The following COL26A1 variants were observed in gnomAD, a reference collection of about 807,000 sequenced individuals.
COL26A1 encodes the protein collagen alpha-1(XXVI) chain.
Under a neutral mutation model 59.3 loss-of-function variants are expected in COL26A1, and 41 were observed. The observed-to-expected ratio is 0.69, with a 90% CI of 0.54 to 0.90. The LOEUF is 0.90. COL26A1 is among the 40% of genes least tolerant of loss of function. COL26A1 has a pLI of 0.00. For synonymous variants in COL26A1, 266 were observed against 256.0 expected (o/e 1.04, Z -0.37); for missense variants, 612 against 602.3 (o/e 1.02, Z -0.17).
intron 2 of COL26A1, among the ~76,000 whole-genome samples, chr7:101,443,664 C>T (rs1394672375): frequency 2.0e-5 from 3 of 152,112 alleles, no homozygotes; most frequent in Non-Finnish European, 4.4e-5. Flanking sequence ...GAATGTGTCT[C>T]CCTTATGAAA....
In COL26A1 at chr7:101,528,521, C is replaced by CCTCCCCTCCT. The variant is rs546708649; in HGVS notation, c.386-4550_386-4541dup. On this transcript the variant is annotated intron_variant, in intron 3 of 12. Coordinates refer to ENST00000313669, the MANE Select transcript of COL26A1 (RefSeq NM_001278563.3). Reference sequence around the variant, plus strand: ...TTTTCCCTTCCCTCCCCTTCCCTCTCCTCCCCTCCTCTCCCCTCCTGTCCT... The same window carrying CCTCCCCTCCT: ...TTTTCCCTTCCCTCCCCTTCCCTCTCCTCCCCTCCTCTCCCCTCCTCTCCCCTCCTGTCCT... Among the ~76,000 whole-genome samples, 1,087 of 150,990 alleles carry CCTCCCCTCCT rather than the reference C, an allele frequency of 7.2e-3. 13 individuals are homozygous for CCTCCCCTCCT. Among genetic ancestry groups the CCTCCCCTCCT allele is most frequent in the African/African-American group, 0.026 (1,049 of 40,906 alleles).
intron 3 of COL26A1, among the ~76,000 whole-genome samples, chr7:101,492,030 G>A (rs1297418030): frequency 6.6e-6 from 1 of 152,076 alleles, no homozygotes; most frequent in Non-Finnish European, 1.5e-5. Flanking sequence ...GGGTCCTCTG[G>A]GGAAAATCCT....
intron 2 of COL26A1, among the ~76,000 whole-genome samples, chr7:101,440,833 T>A (rs2130355132): frequency 6.6e-6 from 1 of 151,794 alleles, no homozygotes; most frequent in Middle Eastern, 3.4e-3. Context: ...AAAATTAGGT[T>A]AAAAATACAA....
chr7:101,399,469 G>A (rs1791941089), intron 1 of COL26A1, among the ~76,000 whole-genome samples: 1 of 151,982 alleles, frequency 6.6e-6, no homozygotes, highest in Non-Finnish European at 1.5e-5. Context: ...GATTACAGGT[G>A]TGCACCACCA....
At chr7:101,385,367 G>GTGTATATATATATATATATATA (rs896826101) in intron 1 of COL26A1, among the ~76,000 whole-genome samples, 26 of 137,034 alleles carry the variant, frequency 1.9e-4, no homozygotes, top group Admixed American at 6.7e-4. Context: ...ATATATGTGT[G>GTGTATATATATATATATATATA]TATATATATA....
intron 2 of COL26A1, among the ~76,000 whole-genome samples, chr7:101,446,046 C>CAAAAAAAAAAAAAAAAAAAAAAAAAAAAA (rs60343304): frequency 2.0e-5 from 1 of 50,994 alleles, no homozygotes; most frequent in Non-Finnish European, 3.8e-5. Flanking sequence ...GACTCCGTCT[C>CAAAAAAAAAAAAAAAAAAAAAAAAAAAAA]AAAAAAAAAA....
intron 2 of COL26A1, among the ~76,000 whole-genome samples, chr7:101,442,635 A>G (rs983889604): frequency 3.9e-5 from 6 of 152,170 alleles, no homozygotes; most frequent in African/African-American, 1.4e-4. Flanking sequence ...GTGACTCCCC[A>G]GGCTCCTTAG....
At position 101,402,555 on chromosome 7, in the gene COL26A1, TTTTCTTTC is replaced by T. The variant is rs146569482; in HGVS notation, c.159-17409_159-17402del. Among the ~76,000 whole-genome samples the T allele has an allele frequency of 2.0e-4, 31 of 151,402 alleles. No individual in the cohort carries two copies. The East Asian group carries it at 4.3e-3, about 21-fold the overall frequency. On this transcript the variant is annotated intron_variant, in intron 1 of 12. Transcript: ENST00000313669. ...TCTTTCTTTTCTTCTTTCTTTCTCTTTTTCTTTCTTTCTTTCTTTCCTTCATTCTTTTT... is the reference window on the plus strand; with the variant it reads ...TCTTTCTTTTCTTCTTTCTTTCTCTTTTTCTTTCTTTCCTTCATTCTTTTT...
Position 101,420,002 on chromosome 7 carries a change from C to T in COL26A1, c.184C>T (p.Arg62Trp), listed in dbSNP as rs750403913. The change falls in exon 2 of 13, where the codon CGG (arginine) becomes TGG (tryptophan). Residue 62 changes from arginine to tryptophan, a missense_variant. Transcript: ENST00000313669. ...GCACTGGTGCCATCACACAGTGACACGGACGGTGTCCTGCCAGGTGCAGAA... is the reference window on the plus strand; with the variant it reads ...GCACTGGTGCCATCACACAGTGACATGGACGGTGTCCTGCCAGGTGCAGAA... Reference protein sequence around the residue: ...RRHWCHHTVTRTVSCQVQNGS... With the variant: ...RRHWCHHTVTWTVSCQVQNGS... 3 of 1,613,620 alleles carry T rather than the reference C, an allele frequency of 1.9e-6. No individual in the cohort carries two copies. Among genetic ancestry groups the T allele is most frequent in the African/African-American group, 1.3e-5 (1 of 74,938 alleles).
intron 9 of COL26A1, among the ~76,000 whole-genome samples, chr7:101,550,334 G>A (rs55744858): frequency 0.16 from 22,846 of 142,166 alleles, 1,998 homozygotes; most frequent in Middle Eastern, 0.26. Context: ...GGTGGCGTGC[G>A]CCTGTAGTCC....
At chr7:101,438,087 C>T (rs1040182546) in intron 2 of COL26A1, among the ~76,000 whole-genome samples, 20 of 151,308 alleles carry the variant, frequency 1.3e-4, no homozygotes, top group Non-Finnish European at 4.4e-5. Flanking sequence ...TGGAGCTGGG[C>T]GAGGTGGCTC....
chr7:101,545,357 G>T lies in COL26A1; in HGVS notation c.723G>T (p.Gly241=). Residue 241 remains glycine (G), a synonymous_variant, in exon 7 of 13, where the codon GGG becomes GGT. Coordinates refer to ENST00000313669, the MANE Select transcript of COL26A1 (RefSeq NM_001278563.3). ...TTGCAGGGCTCCTGGGGCCTCCAGG[G>T]CCCCGTGGGCTTCCTGGAGAGATGG... ...AGPPGLLGPP[G]PRGLPGEMGR... The T allele has an allele frequency of 6.3e-7, 1 of 1,579,024 alleles. No individual in the cohort carries two copies. The highest frequency in any genetic ancestry group is 1.1e-5 in the South Asian group (1 of 87,850).
At chr7:101,406,988 C>G (rs111719122) in intron 1 of COL26A1, among the ~76,000 whole-genome samples, 2 of 152,200 alleles carry the variant, frequency 1.3e-5, no homozygotes, top group South Asian at 2.1e-4. Context: ...CTACTTTCCA[C>G]GTTTTCACCT....
chr7:101,452,351 T>C (rs1324772066), intron 3 of COL26A1, among the ~76,000 whole-genome samples: 1 of 152,026 alleles, frequency 6.6e-6, no homozygotes, highest in East Asian at 1.9e-4. Context: ...CCTTTCTCAA[T>C]AGAGGAGGCA....
intron 3 of COL26A1, among the ~76,000 whole-genome samples, chr7:101,490,042 T>C (rs1584457361): frequency 6.6e-6 from 1 of 150,730 alleles, no homozygotes; most frequent in South Asian, 2.1e-4. Context: ...GTTCCAGTGA[T>C]TCTACTGTCT....
At chr7:101,498,041 T>G (rs1380230131) in intron 3 of COL26A1, among the ~76,000 whole-genome samples, 1 of 152,200 alleles carries the variant, frequency 6.6e-6, no homozygotes, top group African/African-American at 2.4e-5. Flanking sequence ...AGAAAAGGAC[T>G]GAGAAAAGCT....
At chr7:101,451,063 T>C (rs1273094920) in intron 3 of COL26A1, among the ~76,000 whole-genome samples, 2 of 143,930 alleles carry the variant, frequency 1.4e-5, no homozygotes, top group Non-Finnish European at 3.0e-5. Context: ...TTAATATATA[T>C]TCCAGTAACA....
chr7:101,495,122 T>G (rs892969398), intron 3 of COL26A1, among the ~76,000 whole-genome samples: 1 of 152,178 alleles, frequency 6.6e-6, no homozygotes, highest in Non-Finnish European at 1.5e-5. Flanking sequence ...GCTGAGAATG[T>G]CAGGAGATCA....
intron 3 of COL26A1, among the ~76,000 whole-genome samples, chr7:101,499,248 A>G (rs17135512): frequency 0.092 from 14,070 of 152,192 alleles, 669 homozygotes; most frequent in South Asian, 0.1. Context: ...CTTGATTTAA[A>G]GCTGAGCACA....
Sources: allele counts gnomAD v4.1 joint callset (sites outside exome capture counted in the v4.1 genomes callset), GRCh38; gene constraint gnomAD v4.1.1; transcripts MANE v1.5; gene names NCBI Gene and HGNC (gene_info 2026-07-23, HGNC 2026-07-21).